The following SKP2 variants were observed in gnomAD, a reference collection of about 807,000 sequenced individuals.
The protein encoded by SKP2 is S-phase kinase associated protein 2, also known as S-phase kinase-associated protein 2.
In SKP2, 16 loss-of-function variants were observed where a neutral mutation model predicts 51.8. That is an observed-to-expected ratio of 0.31 (90% CI 0.21 to 0.47). The LOEUF is 0.47. SKP2 is among the 20% of genes least tolerant of loss of function. The pLI, the probability that SKP2 is intolerant of heterozygous loss-of-function variation, is 1.00. For synonymous variants in SKP2, 176 were observed against 198.6 expected (o/e 0.89, Z 0.96); for missense variants, 377 against 505.3 (o/e 0.75, Z 2.43).
At chr5:36,189,265 G>C (rs1045715616), downstream of SKP2, among the ~76,000 whole-genome samples, 2 of 152,300 alleles carry the variant, frequency 1.3e-5, no homozygotes, top group East Asian at 1.9e-4. Flanking sequence ...CATTGCTGGC[G>C]AGGAGCTTTG....
Position 36,153,020 on chromosome 5 carries a change from G to A in SKP2, c.258G>A (p.Lys86=). The A allele has an allele frequency of 6.2e-7, 1 of 1,614,054 alleles. No individual in the cohort carries two copies. The highest frequency in any genetic ancestry group is 1.1e-5 in the South Asian group (1 of 91,078). Residue 86 remains lysine (K), a synonymous_variant, in exon 2 of 10, where the codon AAG becomes AAA. Coordinates refer to ENST00000274255, the MANE Select transcript of SKP2 (RefSeq NM_005983.4). ...DKDFVIVRRP[K]LNRENFPGVS... The stretch of plus-strand genomic sequence containing the variant: ...ACTTTGTGATTGTCCGCAGGCCTAA[G>A]CTAAATCGAGAGAACTTTCCAGGTA...
At chr5:36,172,827 C>T (rs1436756041) in intron 7 of SKP2, among the ~76,000 whole-genome samples, 5 of 152,118 alleles carry the variant, frequency 3.3e-5, no homozygotes, top group Non-Finnish European at 7.4e-5. Flanking sequence ...CAAACACTTG[C>T]ATTTTCAGAC....
Position 36,184,009 on chromosome 5 carries a change from T to TA in SKP2, c.*1982dup. On this transcript the variant is annotated 3_prime_UTR_variant, in exon 10 of 10. Transcript: ENST00000274255. ...CTTTTATAGACTTGTTTTAAAACAA[T>TA]AAAACACATTTTTATAAAAATGAGT... The TA allele has an allele frequency of 6.8e-7, 1 of 1,480,744 alleles. No homozygotes were observed. Among genetic ancestry groups the TA allele is most frequent in the Non-Finnish European group, 9.3e-7 (1 of 1,074,322 alleles). The allele number at this position is 1,480,744 out of a possible 1,614,324, so 91.7% of individuals were successfully genotyped here.
At chr5:36,157,611 TAAAAC>T (rs1744993079) in intron 2 of SKP2, among the ~76,000 whole-genome samples, 1 of 152,108 alleles carries the variant, frequency 6.6e-6, no homozygotes, top group African/African-American at 2.4e-5. Context: ...TATTGCTACT[TAAAAC>T]AAGCCAGCAA....
chr5:36,173,350 C>T (rs538192441), intron 7 of SKP2, among the ~76,000 whole-genome samples: 2 of 152,142 alleles, frequency 1.3e-5, no homozygotes, highest in Non-Finnish European at 2.9e-5. Flanking sequence ...GCATTAAGTA[C>T]TATTCTCAAG....
intron 2 of SKP2, among the ~76,000 whole-genome samples, chr5:36,159,854 A>C (rs1386186180): frequency 1.3e-5 from 2 of 152,208 alleles, no homozygotes; most frequent in African/African-American, 4.8e-5. Flanking sequence ...AACTTAAATA[A>C]AGGGCAGATA....
intron 3 of SKP2, 82 bp downstream of exon 3, chr5:36,163,838 T>A: frequency 1.1e-6 from 1 of 923,064 alleles, no homozygotes; most frequent in Non-Finnish European, 1.8e-6. Context: ...CTGATGAAAC[T>A]AAAAACCAAG....
intron 6 of SKP2, among the ~76,000 whole-genome samples, chr5:36,190,493 A>G (rs1014758239): frequency 6.6e-6 from 1 of 152,006 alleles, no homozygotes; most frequent in Non-Finnish European, 1.5e-5. Flanking sequence ...ATCAGGTTAT[A>G]CTATGTGTTT....
At chr5:36,190,682 G>A (rs573543044) in intron 6 of SKP2, among the ~76,000 whole-genome samples, 10 of 25,474 alleles carry the variant, frequency 3.9e-4, no homozygotes, top group African/African-American at 2.0e-3. Flanking sequence ...TCAAACATAT[G>A]CAAAAAAAAA....
chr5:36,180,632 A>T (rs1426276381), intron 9 of SKP2, among the ~76,000 whole-genome samples: 1 of 152,210 alleles, frequency 6.6e-6, no homozygotes, highest in African/African-American at 2.4e-5. Context: ...CTAGCTGAAC[A>T]GCCTGGGTTC....
At chr5:36,162,820 C>T (rs1745164469) in intron 2 of SKP2, among the ~76,000 whole-genome samples, 1 of 152,170 alleles carries the variant, frequency 6.6e-6, no homozygotes, top group Admixed American at 6.5e-5. Context: ...AATTGACTCA[C>T]AGTTCAGCCT....
At chr5:36,161,749 T>C (rs1745127489) in intron 2 of SKP2, among the ~76,000 whole-genome samples, 1 of 152,172 alleles carries the variant, frequency 6.6e-6, no homozygotes, top group Non-Finnish European at 1.5e-5. Context: ...TTTTCTCCCT[T>C]GTGTCCTCAA....
chr5:36,176,109 A>T (rs1745624822), intron 7 of SKP2, among the ~76,000 whole-genome samples: 1 of 151,606 alleles, frequency 6.6e-6, no homozygotes, highest in African/African-American at 2.4e-5. Flanking sequence ...TTATAATAGA[A>T]TTTTTTTTCA....
At chr5:36,191,617 A>C (rs1406705073) in intron 6 of SKP2, among the ~76,000 whole-genome samples, 3 of 152,078 alleles carry the variant, frequency 2.0e-5, no homozygotes, top group Non-Finnish European at 4.4e-5. Context: ...TGGTGAACCC[A>C]ATTACACTTC....
At chr5:36,153,217 T>G (rs1269649573) in intron 2 of SKP2, among the ~76,000 whole-genome samples, 175 bp downstream of exon 2, 2 of 2,884 alleles carry the variant, frequency 6.9e-4, no homozygotes, top group African/African-American at 1.4e-3. Flanking sequence ...TTGGTAGATA[T>G]ATATATATAT....
chr5:36,166,725 C>CTTTTTTTTTTTTTTTTTTTTTT (rs3086385), intron 4 of SKP2, 63 bp downstream of exon 4: 1 of 861,572 alleles, frequency 1.2e-6, no homozygotes. Flanking sequence ...CAGATCAAAG[C>CTTTTTTTTTTTTTTTTTTTTTT]TTTTTTTTTT....
chr5:36,170,840 A>G (rs756582787), intron 6 of SKP2, among the ~76,000 whole-genome samples: 1 of 152,210 alleles, frequency 6.6e-6, no homozygotes, highest in Non-Finnish European at 1.5e-5. Context: ...AATTTGGGCA[A>G]TTCTATTAAC....
At chr5:36,165,792 C>CT (rs901464335) in intron 3 of SKP2, among the ~76,000 whole-genome samples, 1 of 152,108 alleles carries the variant, frequency 6.6e-6, no homozygotes, top group Non-Finnish European at 1.5e-5. Flanking sequence ...TTCACATTTT[C>CT]TTTTTTTAAA....
chr5:36,190,241 C>T (rs1387115110), intron 6 of SKP2, among the ~76,000 whole-genome samples: 3 of 138,532 alleles, frequency 2.2e-5, no homozygotes, highest in Admixed American at 7.2e-5. Context: ...ACCCACTGTC[C>T]GACACCCCCA....
Sources: allele counts gnomAD v4.1 joint callset (sites outside exome capture counted in the v4.1 genomes callset), GRCh38; gene constraint gnomAD v4.1.1; transcripts MANE v1.5; gene names NCBI Gene and HGNC (gene_info 2026-07-23, HGNC 2026-07-21).